Variants in NRXN3 observed in about 807,000 individuals in gnomAD.
NRXN3 encodes neurexin III.
Under a neutral mutation model 137.6 loss-of-function variants are expected in NRXN3, and 32 were observed. That is an observed-to-expected ratio of 0.23 (90% CI 0.18 to 0.31). The LOEUF (loss-of-function observed/expected upper bound fraction) is 0.31. Ranked by LOEUF, NRXN3 falls within the 10% of genes least tolerant of loss-of-function variation. The pLI, the probability that NRXN3 is intolerant of heterozygous loss-of-function variation, is 1.00. For missense variants in NRXN3, 1,574 were observed against 2,062.5 expected, an observed-to-expected ratio of 0.76 and a Z score of 4.59; for synonymous variants, 798 against 784.5, an observed-to-expected ratio of 1.02 and a Z score of -0.29.
At chr14:78,774,096 G>C (rs575793310) in intron 8 of NRXN3, among the ~76,000 whole-genome samples, 1 of 151,908 alleles carries the variant, frequency 6.6e-6, no homozygotes, top group Non-Finnish European at 1.5e-5. Flanking sequence ...CACCGCGCCC[G>C]GCCACTTATT....
intron 3 of NRXN3, among the ~76,000 whole-genome samples, chr14:78,283,681 G>A (rs1314470440): frequency 6.6e-6 from 1 of 152,038 alleles, no homozygotes; most frequent in East Asian, 1.9e-4. Context: ...GCAAATTTTT[G>A]TATTTTTAGC....
chr14:78,983,118 T>A (rs891123945), intron 14 of NRXN3, among the ~76,000 whole-genome samples: 2 of 151,988 alleles, frequency 1.3e-5, no homozygotes, highest in African/African-American at 4.8e-5. Context: ...ATAGCTACTA[T>A]CAAAAAGACA....
chr14:79,143,331 T>C lies in NRXN3; in HGVS notation c.3262+155190T>C, dbSNP rs558089588. 2.5e-3 allele frequency among the ~76,000 whole-genome samples: 383 copies of C among 152,354 alleles called. 1 individual carries two copies. Among genetic ancestry groups the C allele is most frequent in the African/African-American group, 8.7e-3 (363 of 41,586 alleles). ...AGCTCAGTCTTTTTATGTTGGCTCC[T>C]GTAAGCTTTTTGCAGTGCTGCAAAC... On this transcript the variant is annotated intron_variant, in intron 15 of 20. Transcript: ENST00000335750.
At chr14:79,806,066 T>C (rs1404938274) in intron 20 of NRXN3, among the ~76,000 whole-genome samples, 2 of 152,192 alleles carry the variant, frequency 1.3e-5, no homozygotes, top group African/African-American at 2.4e-5. Context: ...ATGTATATAA[T>C]AGAGAACAGA....
chr14:78,670,074 T>C (rs964611932), intron 6 of NRXN3, among the ~76,000 whole-genome samples: 1 of 150,800 alleles, frequency 6.6e-6, no homozygotes, highest in Admixed American at 6.6e-5. Flanking sequence ...TGTGTTCTCA[T>C]TGTTCAACTC....
intron 6 of NRXN3, among the ~76,000 whole-genome samples, chr14:78,683,323 G>A (rs530748393): frequency 1.3e-5 from 2 of 152,260 alleles, no homozygotes; most frequent in Admixed American, 1.3e-4. Context: ...AATTAAAAAT[G>A]TGCAAATTAT....
chr14:79,458,339 T>A (rs181658066), intron 15 of NRXN3, among the ~76,000 whole-genome samples: 4 of 152,330 alleles, frequency 2.6e-5, no homozygotes, highest in Admixed American at 6.5e-5. Context: ...TATTTCATCA[T>A]GAGAGATGCT....
rs2079070324 is a variant in NRXN3, at chr14:79,270,041, A to T, written c.3263-197180A>T. 2.6e-5 allele frequency among the ~76,000 whole-genome samples: 4 copies of T among 152,222 alleles called. No homozygotes were observed. In the South Asian group the frequency reaches 8.3e-4, roughly 31 times the overall value. ...TTTGAGCCTCAAAATAAGGCCAGGG[A>T]TGACATTTAAGTAAATTCAGAAGTA... is the stretch of plus-strand genomic sequence containing the variant. On this transcript the variant is annotated intron_variant, in intron 15 of 20. Coordinates refer to ENST00000335750, the MANE Select transcript of NRXN3 (RefSeq NM_001330195.2).
At chr14:79,778,644 G>T (rs7159053) in intron 19 of NRXN3, among the ~76,000 whole-genome samples, 79,465 of 151,864 alleles carry the variant, frequency 0.52, 21,277 homozygotes, top group Middle Eastern at 0.66. Flanking sequence ...CCTTTTAAAA[G>T]AAGGGCAGGG....
Position 78,278,658 on chromosome 14 carries a change from T to A in NRXN3, c.723T>A (p.Asp241Glu), listed in dbSNP as rs1187069637. Residue 241 changes from aspartate to glutamate, a missense_variant, in exon 3 of 21, where the codon GAT (aspartate) becomes GAA (glutamate). Physicochemically the swap from Asp to Glu is conservative, Grantham distance 45. This residue lies in a region of NRXN3 where 400 missense variants were observed against 527.3 expected (regional missense o/e 0.76). Coordinates refer to ENST00000335750, the MANE Select transcript of NRXN3 (RefSeq NM_001330195.2). The stretch of plus-strand genomic sequence containing the variant: ...ATGCTGCCACAGATGTCAGTCAAGA[T>A]CCAGGTGAGTCTTTGTGTTTGCACA... ...GKLCSEDVSQDPGLSHLMMSE... is the reference protein window; with the variant it reads ...GKLCSEDVSQEPGLSHLMMSE... 6.5e-7 allele frequency: 1 copy of A among 1,535,264 alleles called. No individual in the cohort carries two copies.
intron 8 of NRXN3, among the ~76,000 whole-genome samples, chr14:78,766,781 C>G (rs1448157714): frequency 1.3e-5 from 2 of 152,140 alleles, no homozygotes; most frequent in African/African-American, 4.8e-5. Context: ...GATAGACCTC[C>G]TTGAATTTGA....
intron 15 of NRXN3, among the ~76,000 whole-genome samples, chr14:79,437,429 A>G (rs2095862710): frequency 6.6e-6 from 1 of 151,796 alleles, no homozygotes; most frequent in South Asian, 2.1e-4. Context: ...AAAAAAAAAA[A>G]GCTCCATCTG....
At chr14:78,947,203 T>A (rs1322994666) in intron 10 of NRXN3, among the ~76,000 whole-genome samples, 1 of 152,178 alleles carries the variant, frequency 6.6e-6, no homozygotes, top group African/African-American at 2.4e-5. Flanking sequence ...CTGTCCACAG[T>A]GGGTGATCAG....
chr14:79,670,917 T>G (rs1456280772), intron 17 of NRXN3, among the ~76,000 whole-genome samples: 1 of 152,102 alleles, frequency 6.6e-6, no homozygotes, highest in Non-Finnish European at 1.5e-5. Flanking sequence ...CCATCTTGCT[T>G]TCTCATCCTT....
At chr14:79,402,598 C>G (rs999935884) in intron 15 of NRXN3, among the ~76,000 whole-genome samples, 5 of 152,164 alleles carry the variant, frequency 3.3e-5, no homozygotes, top group African/African-American at 1.2e-4. Context: ...TTCCCCTCAC[C>G]TACCTTAATT....
chr14:79,577,656 ACTC>A (rs1420795657), intron 16 of NRXN3, among the ~76,000 whole-genome samples: 4 of 152,140 alleles, frequency 2.6e-5, no homozygotes, highest in Non-Finnish European at 4.4e-5. Flanking sequence ...TGGACAATAA[ACTC>A]CTCAAGTGCA....
At chr14:78,253,133 G>T (rs2153463976) in intron 2 of NRXN3, among the ~76,000 whole-genome samples, 1 of 152,314 alleles carries the variant, frequency 6.6e-6, no homozygotes, top group South Asian at 2.1e-4. Context: ...GTCTGGGCCA[G>T]AAAAGACAAG....
intron 4 of NRXN3, among the ~76,000 whole-genome samples, chr14:78,438,001 C>T (rs866633136): frequency 2.0e-5 from 3 of 152,012 alleles, no homozygotes; most frequent in African/African-American, 4.8e-5. Flanking sequence ...TGATAAAGAA[C>T]GTCCTGGGGG....
chr14:79,565,264 CATGT>C (rs201197292), intron 16 of NRXN3, among the ~76,000 whole-genome samples: 6,920 of 14,286 alleles, frequency 0.48, 212 homozygotes, highest in South Asian at 0.52. Context: ...TACATATACA[CATGT>C]GTGTGTGTAT....
Sources: allele counts gnomAD v4.1 joint callset (sites outside exome capture counted in the v4.1 genomes callset), GRCh38; gene constraint gnomAD v4.1.1; regional missense constraint gnomAD v4.1.1; transcripts MANE v1.5; gene names NCBI Gene and HGNC (gene_info 2026-07-23, HGNC 2026-07-21).